ARID2: variants seen among roughly 807,000 people sequenced by gnomAD.
The protein encoded by ARID2 is AT-rich interaction domain 2, also known as AT-rich interactive domain-containing protein 2.
A neutral mutation model predicts 184.6 loss-of-function variants in ARID2; 32 were observed. The observed-to-expected ratio is 0.17, with a 90% CI of 0.13 to 0.23. ARID2 has a LOEUF of 0.23. ARID2 is among the 10% of genes least tolerant of loss of function. The pLI is 1.00. For missense variants in ARID2, 1,696 were observed against 2,197.6 expected, an observed-to-expected ratio of 0.77 and a Z score of 4.56; for synonymous variants, 836 against 772.6, an observed-to-expected ratio of 1.08 and a Z score of -1.36.
At chr12:45,772,428 A>C (rs577863526) in intron 3 of ARID2, among the ~76,000 whole-genome samples, 1 of 152,294 alleles carries the variant, frequency 6.6e-6, no homozygotes, top group South Asian at 2.1e-4. Flanking sequence ...TGTTTACAAA[A>C]ATTTTAAAAA....
At chr12:45,751,762 G>A (rs1252515836) in intron 3 of ARID2, among the ~76,000 whole-genome samples, 1 of 152,154 alleles carries the variant, frequency 6.6e-6, no homozygotes, top group Non-Finnish European at 1.5e-5. Context: ...AATACTGTAG[G>A]CAATTGTAAC....
At position 45,906,892 on chromosome 12, in the gene ARID2, T is replaced by A. The variant is rs1238686015; in HGVS notation, c.*1814T>A. 4.3e-6 allele frequency: 1 copy of A among 232,048 alleles called. No individual in the cohort carries two copies. The highest frequency in any genetic ancestry group is 8.5e-6 in the Non-Finnish European group (1 of 117,440). 14.4% of individuals were successfully genotyped at this position (232,048 alleles called of 1,614,324 possible). A position where few individuals can be genotyped will look rare whatever the true frequency, so the allele number is the denominator to read the frequency against. On this transcript the variant is annotated 3_prime_UTR_variant, in exon 21 of 21. Transcript: ENST00000334344. ...GTGTTTCTTGACTGTTTATTCAGAA[T>A]CACAGTGTATCCAAATCTTCAGCTT...
In ARID2 at chr12:45,895,604, G is replaced by T. The variant is rs150981517; in HGVS notation, c.5363+1883G>T. ...GGCTGGAGTGCAGTGGCACGATCTC[G>T]GCTCACTGCAACCTCTGCCTCCTGG... On this transcript the variant is annotated intron_variant, in intron 20 of 20. Coordinates refer to ENST00000334344, the MANE Select transcript of ARID2 (RefSeq NM_152641.4). 1.1e-3 allele frequency among the ~76,000 whole-genome samples: 175 copies of T among 152,250 alleles called. 2 individuals carry two copies. The East Asian group carries it at 0.028, about 25-fold the overall frequency.
At chr12:45,903,482 A>C (rs1944484247) in intron 20 of ARID2, among the ~76,000 whole-genome samples, 1 of 152,204 alleles carries the variant, frequency 6.6e-6, no homozygotes, top group African/African-American at 2.4e-5. Context: ...GTACTTGCCA[A>C]CATTTGGTAT....
intron 3 of ARID2, among the ~76,000 whole-genome samples, chr12:45,775,793 CTT>C (rs1941964714): frequency 6.6e-6 from 1 of 152,166 alleles, no homozygotes; most frequent in South Asian, 2.1e-4. Context: ...AGGAACTAAT[CTT>C]TTCATTTTAT....
intron 3 of ARID2, among the ~76,000 whole-genome samples, chr12:45,760,310 T>C (rs896725052): frequency 5.3e-5 from 8 of 152,222 alleles, no homozygotes. Context: ...TCAAAAAGAA[T>C]ATATTTTATG....
chr12:45,770,554 AC>A (rs1199009560), intron 3 of ARID2, among the ~76,000 whole-genome samples: 1 of 152,210 alleles, frequency 6.6e-6, no homozygotes, highest in African/African-American at 2.4e-5. Context: ...ATGGGGATAC[AC>A]TGACAGTTGA....
intron 6 of ARID2, among the ~76,000 whole-genome samples, chr12:45,828,717 A>T (rs1943051291): frequency 6.6e-6 from 1 of 152,034 alleles, no homozygotes; most frequent in African/African-American, 2.4e-5. Context: ...TTGTTTGATG[A>T]GAACTAGAAT....
At chr12:45,807,944 T>C (rs1395825230) in intron 3 of ARID2, among the ~76,000 whole-genome samples, 2 of 152,188 alleles carry the variant, frequency 1.3e-5, no homozygotes, top group South Asian at 4.1e-4. Flanking sequence ...GAATGAACTC[T>C]TTTTCCCCCA....
At chr12:45,902,469 G>C (rs560257089) in intron 20 of ARID2, among the ~76,000 whole-genome samples, 1 of 151,096 alleles carries the variant, frequency 6.6e-6, no homozygotes, top group Non-Finnish European at 1.5e-5. Context: ...TTCTTTCTTT[G>C]TTAAAATATT....
rs138610649 is a variant in ARID2, at chr12:45,817,872, C to T, written c.621C>T (p.Ala207=). The T allele has an allele frequency of 2.4e-5, 38 of 1,611,154 alleles. No homozygotes were observed. The highest frequency in any genetic ancestry group is 1.2e-4 in the African/African-American group (9 of 74,686). The change falls in exon 5 of 21, where the codon GCC becomes GCT. Residue 207 remains alanine, a synonymous_variant. Coordinates refer to ENST00000334344, the MANE Select transcript of ARID2 (RefSeq NM_152641.4). ...PKIITLLLAN[A]GVFDDTLGSF... ...TCATCACTTTACTACTTGCTAATGC[C>T]GGGGTGTTTGACGACAGTAAGTTTT...
intron 3 of ARID2, among the ~76,000 whole-genome samples, chr12:45,793,867 T>C (rs902867698): frequency 6.6e-6 from 1 of 152,130 alleles, no homozygotes; most frequent in Non-Finnish European, 1.5e-5. Flanking sequence ...ATATTTTTAT[T>C]TTTTCTATTC....
intron 3 of ARID2, among the ~76,000 whole-genome samples, chr12:45,760,195 T>C (rs1216202499): frequency 6.6e-6 from 1 of 152,188 alleles, no homozygotes; most frequent in Non-Finnish European, 1.5e-5. Flanking sequence ...AATTTATTGC[T>C]CTATACTTTG....
rs770524187 is a variant in ARID2 at position 45,850,713 on chromosome 12, G to C, written c.2590G>C (p.Ala864Pro). Residue 864 changes from alanine to proline, a missense_variant, in exon 15 of 21, where the codon GCA becomes CCA. Ala to Pro is a conservative substitution (Grantham distance 27, BLOSUM62 -1). Coordinates refer to ENST00000334344, the MANE Select transcript of ARID2 (RefSeq NM_152641.4). ...AACTTCTGCATCCAATATTGTCTCA[G>C]CAACTTCAGTACAGAATTTTCAGGT... ...VTTSASNIVS[A>P]TSVQNFQVAT... 1 of 1,614,064 alleles carries C rather than the reference G, an allele frequency of 6.2e-7. No homozygotes were observed. The highest frequency in any genetic ancestry group is 1.7e-5 in the Admixed American group (1 of 60,010).
rs1944513743 is a variant in ARID2 at position 45,905,552 on chromosome 12, C to T, written c.*474C>T. 1 of 233,396 alleles carries T rather than the reference C, an allele frequency of 4.3e-6. No individual in the cohort carries two copies. Among genetic ancestry groups the T allele is most frequent in the East Asian group, 6.1e-5 (1 of 16,494 alleles). 14.5% of individuals were successfully genotyped at this position (233,396 alleles called of 1,614,324 possible). On this transcript the variant is annotated 3_prime_UTR_variant, in exon 21 of 21. Transcript: ENST00000334344. Reference sequence around the variant, plus strand: ...AAAAAGTTTCAGCACACCTATACCCCCGATCTCAGAGGGGGCCACCAATAT... The same window carrying T: ...AAAAAGTTTCAGCACACCTATACCCTCGATCTCAGAGGGGGCCACCAATAT...
At chr12:45,846,155 T>G (rs1592115883) in intron 11 of ARID2, 1 of 152,276 alleles carries the variant, frequency 6.6e-6, no homozygotes. Flanking sequence ...GTCTTAAGAT[T>G]AATAGCTAGT....
chr12:45,828,500 T>A (rs1384338774), intron 6 of ARID2, among the ~76,000 whole-genome samples: 3 of 152,038 alleles, frequency 2.0e-5, no homozygotes. Flanking sequence ...AATTGCTAGG[T>A]CATAGGGTAT....
chr12:45,847,992 A>C (rs778923697), intron 12 of ARID2, among the ~76,000 whole-genome samples: 3 of 152,086 alleles, frequency 2.0e-5, no homozygotes, highest in Admixed American at 6.6e-5. Context: ...TGGAAAGAAT[A>C]CACACCATAA....
intron 3 of ARID2, among the ~76,000 whole-genome samples, chr12:45,762,053 C>T (rs1941693199): frequency 6.6e-6 from 1 of 151,994 alleles, no homozygotes; most frequent in Non-Finnish European, 1.5e-5. Flanking sequence ...ACTGCTTATT[C>T]CTGCTTTGTA....
Sources: allele counts gnomAD v4.1 joint callset (sites outside exome capture counted in the v4.1 genomes callset), GRCh38; gene constraint gnomAD v4.1.1; transcripts MANE v1.5; gene names NCBI Gene and HGNC (gene_info 2026-07-23, HGNC 2026-07-21).